Variants in MGAT5 observed in about 807,000 individuals in gnomAD.
The protein encoded by MGAT5 is alpha-1,6-mannosylglycoprotein 6-beta-N-acetylglucosaminyltransferase A.
Under a neutral mutation model 94.3 loss-of-function variants are expected in MGAT5, and 30 were observed. The ratio of observed to expected loss-of-function variants is 0.32; its 90% CI spans 0.24 to 0.43. The LOEUF is 0.43. Among genes scored for constraint, MGAT5 ranks in the 20% least tolerant of loss-of-function variants. MGAT5 has a pLI of 1.00. For missense variants in MGAT5, 691 were observed against 905.5 expected (o/e 0.76, Z 3.04); for synonymous variants, 310 against 322.9 (o/e 0.96, Z 0.43).
chr2:134,362,974 A>G (rs959339426), intron 10 of MGAT5, among the ~76,000 whole-genome samples: 5 of 152,268 alleles, frequency 3.3e-5, no homozygotes, highest in African/African-American at 1.2e-4. Flanking sequence ...AAGTCCTCCA[A>G]AAGCATTGGG....
intron 4 of MGAT5, among the ~76,000 whole-genome samples, chr2:134,320,336 T>G (rs1687243162): frequency 6.6e-6 from 1 of 152,154 alleles, no homozygotes; most frequent in African/African-American, 2.4e-5. Context: ...AGCATCATTT[T>G]CATTTGTACC....
At chr2:134,186,271 G>T (rs1247378799) in intron 1 of MGAT5, among the ~76,000 whole-genome samples, 1 of 152,202 alleles carries the variant, frequency 6.6e-6, no homozygotes, top group Non-Finnish European at 1.5e-5. Flanking sequence ...ACACTGTGCT[G>T]TCCTAGTGAT....
intron 9 of MGAT5, among the ~76,000 whole-genome samples, chr2:134,360,265 A>C (rs1182217187): frequency 6.6e-6 from 1 of 152,174 alleles, no homozygotes; most frequent in Admixed American, 6.5e-5. Context: ...ACCATTCCTC[A>C]CAAGTTTTTC....
At chr2:134,330,376 G>C (rs920142499) in intron 4 of MGAT5, among the ~76,000 whole-genome samples, 4 of 152,084 alleles carry the variant, frequency 2.6e-5, no homozygotes, top group Non-Finnish European at 5.9e-5. Context: ...CACTAAGCTT[G>C]GCCTAAAGGT....
Position 134,334,496 on chromosome 2 carries a change from C to CTTTTTTTTTTTTTTTTT in MGAT5, c.574-1714_574-1698dup, listed in dbSNP as rs59933611. 2.6e-4 allele frequency among the ~76,000 whole-genome samples: 9 copies of CTTTTTTTTTTTTTTTTT among 34,112 alleles called. 2 individuals carry two copies. The highest frequency in any genetic ancestry group is 1.1e-3 in the African/African-American group (9 of 8,264). 22.4% of individuals were successfully genotyped at this position (34,112 alleles called of 152,430 possible). A position where few individuals can be genotyped will look rare whatever the true frequency, so the allele number is the denominator to read the frequency against. ...CAAATCTCTACTTTCCTTGCTCATC[C>CTTTTTTTTTTTTTTTTT]TTTTTTTTTTTTTTTTTTTTTTTGC... On this transcript the variant is annotated intron_variant, in intron 4 of 15. Transcript: ENST00000281923.
At chr2:134,367,861 A>G (rs1423477833) in intron 10 of MGAT5, among the ~76,000 whole-genome samples, 1 of 152,242 alleles carries the variant, frequency 6.6e-6, no homozygotes, top group Non-Finnish European at 1.5e-5. Flanking sequence ...ATTGATAATA[A>G]AGGAGTCGTG....
At chr2:134,335,796 A>G (rs1247086673) in intron 4 of MGAT5, among the ~76,000 whole-genome samples, 1 of 152,130 alleles carries the variant, frequency 6.6e-6, no homozygotes, top group Non-Finnish European at 1.5e-5. Flanking sequence ...TTTCCTTTCC[A>G]GATATGCCAC....
At chr2:134,309,299 G>C (rs1324174331) in intron 2 of MGAT5, among the ~76,000 whole-genome samples, 1 of 152,120 alleles carries the variant, frequency 6.6e-6, no homozygotes, top group Non-Finnish European at 1.5e-5. Flanking sequence ...ACAAATTTTT[G>C]TGTAGTTATG....
chr2:134,122,522 T>C (rs757085975), intron 1 of MGAT5, among the ~76,000 whole-genome samples: 2 of 152,134 alleles, frequency 1.3e-5, no homozygotes, highest in Non-Finnish European at 2.9e-5. Context: ...GTTGTCAGCC[T>C]TACCTGGAGA....
At chr2:134,282,893 T>C (rs1190088186) in intron 2 of MGAT5, among the ~76,000 whole-genome samples, 1 of 151,882 alleles carries the variant, frequency 6.6e-6, no homozygotes, top group Non-Finnish European at 1.5e-5. Context: ...GATCAGTCTG[T>C]ACAACAGCCC....
At chr2:134,185,934 G>T (rs1348247213) in intron 1 of MGAT5, among the ~76,000 whole-genome samples, 2 of 152,214 alleles carry the variant, frequency 1.3e-5, no homozygotes, top group Non-Finnish European at 2.9e-5. Context: ...CATGTTGCAG[G>T]ATCGCCTGGT....
intron 1 of MGAT5, chr2:134,127,182 T>A (rs139701217): frequency 6.5e-6 from 1 of 154,710 alleles, no homozygotes; most frequent in Non-Finnish European, 1.5e-5. Flanking sequence ...CCCCCAGTAA[T>A]CTTCATCATG....
At chr2:134,364,606 C>T (rs1031165557) in intron 10 of MGAT5, among the ~76,000 whole-genome samples, 1 of 152,122 alleles carries the variant, frequency 6.6e-6, no homozygotes, top group African/African-American at 2.4e-5. Context: ...CATGGGTGCC[C>T]AAGCTTCTGT....
chr2:134,123,654 T>C (rs546167996), intron 1 of MGAT5, among the ~76,000 whole-genome samples: 1 of 152,196 alleles, frequency 6.6e-6, no homozygotes, highest in Non-Finnish European at 1.5e-5. Context: ...CTGTTAGCTT[T>C]GTCTCTGGGG....
intron 10 of MGAT5, among the ~76,000 whole-genome samples, chr2:134,384,489 G>A (rs1242742321): frequency 2.6e-5 from 4 of 152,176 alleles, no homozygotes; most frequent in Non-Finnish European, 5.9e-5. Context: ...GTTCTTACTA[G>A]AACTGTGAAC....
chr2:134,206,129 T>C (rs1349015837), intron 1 of MGAT5, among the ~76,000 whole-genome samples: 1 of 152,218 alleles, frequency 6.6e-6, no homozygotes, highest in African/African-American at 2.4e-5. Context: ...TACTCATTAT[T>C]GAGAGGAATT....
rs554678984 is a variant in MGAT5, at chr2:134,288,273, G to T, written c.406+17723G>T. ...ACAAAAAACCTAAATGGCCATTCAA[G>T]ACCTGTTTCTGCCTGTTTCAAGTTC... On this transcript the variant is annotated intron_variant, in intron 2 of 15. Coordinates refer to ENST00000281923, the MANE Select transcript of MGAT5 (RefSeq NM_002410.5). Among the ~76,000 whole-genome samples, 13 of 152,308 alleles carry T rather than the reference G, an allele frequency of 8.5e-5. No individual in the cohort carries two copies. In the South Asian group the frequency reaches 2.1e-3, roughly 24 times the overall value.
intron 13 of MGAT5, among the ~76,000 whole-genome samples, chr2:134,423,129 G>A (rs936274499): frequency 6.6e-5 from 10 of 152,160 alleles, no homozygotes; most frequent in African/African-American, 4.8e-5. Context: ...ATGTGGGCAT[G>A]GATTCCATAG....
At chr2:134,388,497 G>T (rs1390836226) in intron 10 of MGAT5, among the ~76,000 whole-genome samples, 6 of 150,736 alleles carry the variant, frequency 4.0e-5, no homozygotes, top group Non-Finnish European at 8.8e-5. Context: ...TTTTAATATT[G>T]AAATATACAG....
Sources: allele counts gnomAD v4.1 joint callset (sites outside exome capture counted in the v4.1 genomes callset), GRCh38; gene constraint gnomAD v4.1.1; transcripts MANE v1.5; gene names NCBI Gene and HGNC (gene_info 2026-07-23, HGNC 2026-07-21).